ZNF791: variants seen among roughly 807,000 people sequenced by gnomAD.
ZNF791 encodes the protein zinc finger protein 791.
In ZNF791, 4 loss-of-function variants were observed where a neutral mutation model predicts 11.5. That is an observed-to-expected ratio of 0.35 (90% confidence interval 0.17 to 0.80). The LOEUF (loss-of-function observed/expected upper bound fraction) is 0.80. Ranked by LOEUF, ZNF791 falls within the 30% of genes least tolerant of loss-of-function variation. ZNF791 has a pLI of 0.53. For synonymous variants in ZNF791, 212 were observed against 228.1 expected (o/e 0.93, Z 0.64); for missense variants, 559 against 699.4 (o/e 0.80, Z 2.26).
intron 1 of ZNF791, among the ~76,000 whole-genome samples, chr19:12,614,218 A>G (rs2023203863): frequency 6.6e-6 from 1 of 151,970 alleles, no homozygotes; most frequent in Non-Finnish European, 1.5e-5. Context: ...GACCCACTCT[A>G]GGGGTTACAT....
At chr19:12,622,601 T>C (rs2023371292) in intron 1 of ZNF791, among the ~76,000 whole-genome samples, 1 of 151,022 alleles carries the variant, frequency 6.6e-6, no homozygotes, top group African/African-American at 2.4e-5. Flanking sequence ...CTGGACAATA[T>C]AACAAAACCC....
chr19:12,624,273 C>T (rs2023396090), intron 2 of ZNF791, among the ~76,000 whole-genome samples: 2 of 151,552 alleles, frequency 1.3e-5, no homozygotes, highest in African/African-American at 4.9e-5. Flanking sequence ...CTGCCTCAGC[C>T]TCCCGAGTAG....
chr19:12,624,736 A>C (rs1235279401), intron 3 of ZNF791, 26 bp downstream of exon 3: 6 of 1,575,122 alleles, frequency 3.8e-6, no homozygotes, highest in Non-Finnish European at 5.2e-6. Flanking sequence ...AAGAAGTAAC[A>C]GTGTTCCTTG....
At chr19:12,623,266 T>G (rs2023380457) in intron 1 of ZNF791, 1 of 162,582 alleles carries the variant, frequency 6.2e-6, no homozygotes, top group Non-Finnish European at 1.3e-5. Context: ...CTTACCTAGG[T>G]GTAGTGGTGT....
chr19:12,617,760 CTTTTTTT>C (rs1019193795), intron 1 of ZNF791, among the ~76,000 whole-genome samples: 3 of 51,690 alleles, frequency 5.8e-5, no homozygotes, highest in Non-Finnish European at 6.9e-5. Context: ...TGCTGGAACT[CTTTTTTT>C]TTTTTTTTTT....
chr19:12,627,468 A>C (rs567768347), intron 3 of ZNF791, among the ~76,000 whole-genome samples: 2 of 151,992 alleles, frequency 1.3e-5, no homozygotes, highest in African/African-American at 4.8e-5. Context: ...CTTTACTAAA[A>C]ATACAAAATT....
At chr19:12,618,337 C>T (rs1231402105) in intron 1 of ZNF791, among the ~76,000 whole-genome samples, 6 of 151,986 alleles carry the variant, frequency 3.9e-5, no homozygotes, top group Non-Finnish European at 8.8e-5. Context: ...CATAGTGAGA[C>T]CCATCTTTAC....
chr19:12,613,043 T>C (rs938370382), intron 1 of ZNF791, among the ~76,000 whole-genome samples: 50 of 151,936 alleles, frequency 3.3e-4, no homozygotes, highest in Middle Eastern at 3.4e-3. Context: ...CTGAGTGTAA[T>C]TGGTGCATAT....
chr19:12,621,721 G>GGGGGGC (rs766324706), intron 1 of ZNF791, among the ~76,000 whole-genome samples: 16 of 88,156 alleles, frequency 1.8e-4, no homozygotes, highest in African/African-American at 4.1e-4. Context: ...CCTCGGTGGG[G>GGGGGGC]GGTCAGCCCC....
chr19:12,628,929 C>G lies in ZNF791; in HGVS notation c.1400C>G (p.Pro467Arg). 1.2e-6 allele frequency: 2 copies of G among 1,613,790 alleles called. No homozygotes were observed. The highest frequency in any genetic ancestry group is 1.7e-6 in the Non-Finnish European group (2 of 1,179,918). ...THERTHTGEK[P>R]YECKQCGKAF... ...GAAAGAACTCACACTGGAGAGAAAC[C>G]CTATGAATGTAAACAATGTGGAAAA... The change falls in exon 4 of 4, where the codon CCC (proline) becomes CGC (arginine). Residue 467 changes from proline (P) to arginine (R), a missense_variant. Physicochemically the swap from Pro to Arg is moderately radical, Grantham distance 103. Transcript: ENST00000343325.
Position 12,632,424 on chromosome 19 carries a change from G to A in ZNF791, c.*3164G>A, listed in dbSNP as rs946035123. On this transcript the variant is annotated 3_prime_UTR_variant, in exon 4 of 4. Coordinates refer to ENST00000343325, the MANE Select transcript of ZNF791 (RefSeq NM_153358.3). ...CTAGGATTTTTCCTACTGGCCTCAT[G>A]TGGAAGGTGGTGCATATATTACCCA... 6.6e-6 allele frequency: 1 copy of A among 152,072 alleles called. No individual in the cohort carries two copies. 9.4% of individuals were successfully genotyped at this position (152,072 alleles called of 1,614,324 possible). A position where few individuals can be genotyped will look rare whatever the true frequency, so the allele number is the denominator to read the frequency against.
chr19:12,625,175 C>T (rs997127005), intron 3 of ZNF791, among the ~76,000 whole-genome samples: 2 of 151,750 alleles, frequency 1.3e-5, no homozygotes, highest in Admixed American at 6.6e-5. Flanking sequence ...GGCTGGAGTG[C>T]AGTGGCATGG....
rs2023514062 is a variant in ZNF791 at position 12,632,701 on chromosome 19, G to C, written c.*3441G>C. The C allele has an allele frequency of 2.0e-5, 3 of 152,120 alleles. No individual in the cohort carries two copies. The allele number at this position is 152,120 out of a possible 1,614,324, so 9.4% of individuals were successfully genotyped here. ...GGAGGCTGAGGCAGGAGAAATGCTT[G>C]AACCTGGAAGTCAGAGGTTGCAGTG... On this transcript the variant is annotated 3_prime_UTR_variant, in exon 4 of 4. Transcript: ENST00000343325.
intron 1 of ZNF791, chr19:12,623,170 C>CTAGT (rs764056438): frequency 1.3e-5 from 2 of 152,638 alleles, no homozygotes; most frequent in Non-Finnish European, 2.9e-5. Context: ...GAGGCCAAGG[C>CTAGT]TAGTGAATCG....
intron 1 of ZNF791, among the ~76,000 whole-genome samples, chr19:12,618,750 C>T (rs2023284508): frequency 6.7e-6 from 1 of 150,226 alleles, no homozygotes; most frequent in African/African-American, 2.5e-5. Flanking sequence ...GGAACAAGAG[C>T]AAAACTCCAC....
At chr19:12,626,427 G>A (rs34213714) in intron 3 of ZNF791, among the ~76,000 whole-genome samples, 31,719 of 150,460 alleles carry the variant, frequency 0.21, 3,980 homozygotes, top group Non-Finnish European at 0.28. Flanking sequence ...GGGATTACAG[G>A]GGTGAGCCAC....
At chr19:12,612,457 T>C (rs1240978083) in intron 1 of ZNF791, 1 of 150,764 alleles carries the variant, frequency 6.6e-6, no homozygotes, top group East Asian at 1.9e-4. Context: ...TTACTTTTTT[T>C]TTTGAGACGG....
At chr19:12,616,123 A>C (rs1337726552) in intron 1 of ZNF791, among the ~76,000 whole-genome samples, 1 of 152,204 alleles carries the variant, frequency 6.6e-6, no homozygotes, top group East Asian at 1.9e-4. Context: ...TGTACGTTCT[A>C]ATAAGTGTAA....
At position 12,613,149 on chromosome 19, in the gene ZNF791, G is replaced by A. The variant is rs1265732849; in HGVS notation, c.3+2067G>A. ...ATTTTTTTGTATTTTGAGTAGAGGC[G>A]GGGTTTCACCATGTTGGCCAGTCCG... On this transcript the variant is annotated intron_variant, in intron 1 of 3. Coordinates refer to ENST00000343325, the MANE Select transcript of ZNF791 (RefSeq NM_153358.3). Among the ~76,000 whole-genome samples the A allele has an allele frequency of 5.9e-5, 9 of 151,652 alleles. No individual in the cohort carries two copies. In the East Asian group the frequency reaches 1.8e-3, roughly 30 times the overall value.
Sources: allele counts gnomAD v4.1 joint callset (sites outside exome capture counted in the v4.1 genomes callset), GRCh38; gene constraint gnomAD v4.1.1; transcripts MANE v1.5; gene names NCBI Gene and HGNC (gene_info 2026-07-23, HGNC 2026-07-21).